ACAD10: variants seen among roughly 807,000 people sequenced by gnomAD.
The protein encoded by ACAD10 is ACAD-10.
A neutral mutation model predicts 116.8 loss-of-function variants in ACAD10; 112 were observed. The ratio of observed to expected loss-of-function variants is 0.96; its 90% CI spans 0.82 to 1.12. ACAD10 has a LOEUF of 1.12. Ranked by LOEUF, ACAD10 falls within the 50% of genes most tolerant of loss-of-function variation. The probability of loss-of-function intolerance (pLI) is 0.00; values close to 1 mark genes in which losing one functional copy is unlikely to be tolerated. For missense variants in ACAD10, 1,259 were observed against 1,350.2 expected, an observed-to-expected ratio of 0.93 and a Z score of 1.06; for synonymous variants, 486 against 510.6, an observed-to-expected ratio of 0.95 and a Z score of 0.65.
At position 111,702,192 on chromosome 12, in the gene ACAD10, G is replaced by A. The variant is rs1468692915; in HGVS notation, c.218G>A (p.Gly73Glu). The A allele has an allele frequency of 6.2e-7, 1 of 1,614,024 alleles. No individual in the cohort carries two copies. The highest frequency in any genetic ancestry group is 8.5e-7 in the Non-Finnish European group (1 of 1,180,010). Residue 73 changes from glycine to glutamate, a missense_variant, in exon 3 of 21, where the codon GGA becomes GAA. Transcript: ENST00000313698. ...EWEVQNRIPS[G>E]TILKALMEGG... ...GAGGTACAGAATCGTATCCCTTCTG[G>A]AACTATATTAAAGGCCTTGATGGAA...
At chr12:111,711,714 G>A (rs1290616347) in intron 5 of ACAD10, among the ~76,000 whole-genome samples, 14 of 150,496 alleles carry the variant, frequency 9.3e-5, no homozygotes, top group African/African-American at 3.4e-4. Flanking sequence ...GGGTTTCACT[G>A]TGTTAGCCAG....
At chr12:111,705,963 A>G (rs768007625) in intron 4 of ACAD10, 31 bp downstream of exon 4, 1 of 1,606,472 alleles carries the variant, frequency 6.2e-7, no homozygotes, top group East Asian at 2.2e-5. Context: ...AACCATTGGA[A>G]CAGAATCTGT....
At position 111,728,159 on chromosome 12, in the gene ACAD10, C is replaced by T. The variant is rs373424367; in HGVS notation, c.1243+16C>T. On this transcript the variant is annotated intron_variant, in intron 9 of 20. Coordinates refer to ENST00000313698, the MANE Select transcript of ACAD10 (RefSeq NM_025247.6). ...GGGAAGCAAGGTGAGCAGGAGGCCA[C>T]GTCTCCCATGCTGGTTGTTTCATCA... 9.0e-5 allele frequency: 143 copies of T among 1,580,298 alleles called. 1 individual carries two copies. The South Asian group carries it at 1.3e-3, about 15-fold the overall frequency.
chr12:111,756,016 C>T (rs981220926), intron 20 of ACAD10: 1 of 845,228 alleles, frequency 1.2e-6, no homozygotes, highest in Non-Finnish European at 1.8e-6. Context: ...CTCAAATTCA[C>T]ATGAACTTGG....
At chr12:111,734,153 T>G (rs1400323752) in intron 11 of ACAD10, 85 bp downstream of exon 11, 51 of 1,586,346 alleles carry the variant, frequency 3.2e-5, no homozygotes, top group Non-Finnish European at 4.4e-5. Context: ...TAGTCCGTGA[T>G]TGGGCGGGGG....
rs758232313 is a variant in ACAD10, at chr12:111,727,958, C to G, written c.1062-4C>G. 1.7e-5 allele frequency: 28 copies of G among 1,606,698 alleles called. No homozygotes were observed. The highest frequency in any genetic ancestry group is 2.4e-5 in the Non-Finnish European group (28 of 1,176,962). ...CCCTGAAACCCCTTCTGTGTTCCTC[C>G]CAGTGTCATTGGCACCCCCTTCTAT... On this transcript the variant is annotated splice_region_variant and splice_polypyrimidine_tract_variant and intron_variant, in intron 8 of 20. Transcript: ENST00000313698.
intron 2 of ACAD10, among the ~76,000 whole-genome samples, chr12:111,698,460 T>C (rs1888253365): frequency 6.6e-6 from 1 of 151,610 alleles, no homozygotes; most frequent in Admixed American, 6.6e-5. Flanking sequence ...ATTGCTCACT[T>C]TTCTTGTTGA....
intron 12 of ACAD10, 150 bp downstream of exon 12, chr12:111,737,154 C>T (rs1373257052): frequency 3.6e-6 from 2 of 559,154 alleles, no homozygotes; most frequent in African/African-American, 1.9e-5. Flanking sequence ...AACCATTTGT[C>T]CATAAATATT....
chr12:111,747,068 C>G lies in ACAD10; in HGVS notation c.2276C>G (p.Pro759Arg), dbSNP rs756732035. 1.3e-5 allele frequency: 21 copies of G among 1,608,324 alleles called. 1 individual carries two copies. In the South Asian group the frequency reaches 2.3e-4, roughly 18 times the overall value. ...TCTCAGGTATGTAACTGCTCTGCGC[C>G]TGACACGGGCAACATGGAGCTGCTG... ...YAPEVCNCSA[P>R]DTGNMELLVR... Residue 759 changes from proline to arginine, a missense_variant, in exon 15 of 21, where the codon CCT (proline) becomes CGT (arginine). By Grantham distance (103) the Pro-to-Arg change is moderately radical (BLOSUM62 -2). Coordinates refer to ENST00000313698, the MANE Select transcript of ACAD10 (RefSeq NM_025247.6).
chr12:111,743,386 T>A (rs1318732322), intron 12 of ACAD10, among the ~76,000 whole-genome samples: 1 of 151,582 alleles, frequency 6.6e-6, no homozygotes, highest in East Asian at 1.9e-4. Flanking sequence ...TTTTTTTTTT[T>A]GAAATGGAGT....
intron 8 of ACAD10, among the ~76,000 whole-genome samples, chr12:111,723,215 G>A (rs1452385168): frequency 3.0e-5 from 4 of 133,994 alleles, no homozygotes; most frequent in Non-Finnish European, 4.9e-5. Flanking sequence ...CCTCCCTCCC[G>A]GACGGGGCGG....
At chr12:111,714,846 G>T (rs978369756) in intron 6 of ACAD10, among the ~76,000 whole-genome samples, 2 of 151,838 alleles carry the variant, frequency 1.3e-5, no homozygotes, top group Admixed American at 6.6e-5. Flanking sequence ...CCGAGTAGCT[G>T]GGATTACAGG....
chr12:111,721,827 C>T (rs1204065550), intron 8 of ACAD10, 88 bp downstream of exon 8: 18 of 1,192,290 alleles, frequency 1.5e-5, no homozygotes, highest in Non-Finnish European at 7.0e-6. Flanking sequence ...TTGTTAAAGA[C>T]AAATAAAATT....
intron 4 of ACAD10, 105 bp downstream of exon 4, chr12:111,706,037 TC>T: frequency 8.0e-7 from 1 of 1,251,382 alleles, no homozygotes; most frequent in African/African-American, 1.5e-5. Context: ...AGGGAGTTTT[TC>T]CTTCAGCCAC....
intron 19 of ACAD10, 44 bp from the exon 20 acceptor site, chr12:111,755,624 G>C (rs540672430): frequency 1.3e-6 from 2 of 1,524,344 alleles, no homozygotes; most frequent in Admixed American, 3.4e-5. Context: ...TGCCACCCAG[G>C]CTGCCCTCGG....
chr12:111,703,182 G>A (rs1888400033), intron 3 of ACAD10, among the ~76,000 whole-genome samples: 1 of 151,670 alleles, frequency 6.6e-6, no homozygotes, highest in Non-Finnish European at 1.5e-5. Flanking sequence ...GGATACGAAT[G>A]AACAGCCAGA....
intron 8 of ACAD10, among the ~76,000 whole-genome samples, chr12:111,726,167 T>C (rs1283748875): frequency 1.3e-5 from 2 of 152,056 alleles, no homozygotes; most frequent in South Asian, 2.1e-4. Flanking sequence ...AGCAGGAGAA[T>C]CATTTGAACC....
At chr12:111,713,041 G>A (rs111687547) in intron 6 of ACAD10, among the ~76,000 whole-genome samples, 478 of 152,268 alleles carry the variant, frequency 3.1e-3, no homozygotes, top group Non-Finnish European at 6.0e-3. Flanking sequence ...AGGCGGGTGC[G>A]GTGGCTCACG....
At position 111,748,296 on chromosome 12, in the gene ACAD10, GTC is replaced by G. The variant is rs1162538454; in HGVS notation, c.2486-14_2486-13del. On this transcript the variant is annotated intron_variant, in intron 16 of 20. Coordinates refer to ENST00000313698, the MANE Select transcript of ACAD10 (RefSeq NM_025247.6). ...GCCCTGGTGTCAGATGATGGGGTCT[GTC>G]TCTCTCCTTTCCTGGCAGGCATCCT... 1.7e-5 allele frequency: 27 copies of G among 1,613,784 alleles called. No individual in the cohort carries two copies. The highest frequency in any genetic ancestry group is 2.1e-5 in the Non-Finnish European group (25 of 1,179,884).
Sources: gnomAD v4.1 joint callset for allele counts (sites outside exome capture counted in the v4.1 genomes callset) on GRCh38, gnomAD v4.1.1 for gene constraint, MANE v1.5 for transcripts, NCBI Gene and HGNC (gene_info 2026-07-23, HGNC 2026-07-21) for gene names.